The following PACSIN2 variants were observed in gnomAD, a reference collection of about 807,000 sequenced individuals.
The protein encoded by PACSIN2 is protein kinase C and casein kinase substrate in neurons 2, also known as protein kinase C and casein kinase substrate in neurons protein 2.
Under a neutral mutation model 63.8 loss-of-function variants are expected in PACSIN2, and 25 were observed. That is an observed-to-expected ratio of 0.39 (90% confidence interval 0.29 to 0.55). The LOEUF is 0.55. Ranked by LOEUF, PACSIN2 falls within the 20% of genes least tolerant of loss-of-function variation. PACSIN2 has a pLI of 0.62. For synonymous variants in PACSIN2, 255 were observed against 256.2 expected (o/e 1.00, Z 0.05); for missense variants, 518 against 646.9 (o/e 0.80, Z 2.16).
chr22:42,922,463 C>T (rs529787483), intron 1 of PACSIN2, among the ~76,000 whole-genome samples: 3 of 152,178 alleles, frequency 2.0e-5, no homozygotes, highest in South Asian at 2.1e-4. Flanking sequence ...CGGGAGAAAG[C>T]CCCCGATACC....
chr22:42,952,657 CTATT>C (rs1435170995), intron 1 of PACSIN2, among the ~76,000 whole-genome samples: 4 of 146,062 alleles, frequency 2.7e-5, no homozygotes, highest in African/African-American at 8.0e-5. Context: ...CACACCCGGC[CTATT>C]TATTTATTTT....
intron 6 of PACSIN2, among the ~76,000 whole-genome samples, chr22:42,883,162 T>C (rs1293929290): frequency 1.3e-5 from 2 of 150,422 alleles, no homozygotes; most frequent in Non-Finnish European, 3.0e-5. Context: ...ACGATGGGAG[T>C]CACTCCACAT....
intron 2 of PACSIN2, among the ~76,000 whole-genome samples, chr22:42,893,885 G>T (rs1472709795): frequency 6.6e-6 from 1 of 152,222 alleles, no homozygotes; most frequent in Non-Finnish European, 1.5e-5. Context: ...GGTCAGGAAG[G>T]GAGGCTGACT....
At chr22:43,004,813 C>T (rs1027181500) in intron 1 of PACSIN2, among the ~76,000 whole-genome samples, 1 of 152,214 alleles carries the variant, frequency 6.6e-6, no homozygotes, top group Non-Finnish European at 1.5e-5. Flanking sequence ...CCTCCCTGGG[C>T]GCTCTGGGCT....
chr22:42,960,925 C>T (rs1250106625), intron 1 of PACSIN2, among the ~76,000 whole-genome samples: 1 of 152,190 alleles, frequency 6.6e-6, no homozygotes, highest in African/African-American at 2.4e-5. Flanking sequence ...TGGAAACCAA[C>T]CTGCAAAAAC....
chr22:42,973,780 C>T (rs1305978804), intron 1 of PACSIN2, among the ~76,000 whole-genome samples: 2 of 152,250 alleles, frequency 1.3e-5, no homozygotes, highest in East Asian at 3.8e-4. Context: ...TCTCCATCAT[C>T]CCTCATTGCC....
At chr22:43,014,466 C>T (rs1389793123) in intron 1 of PACSIN2, among the ~76,000 whole-genome samples, 1 of 151,906 alleles carries the variant, frequency 6.6e-6, no homozygotes, top group East Asian at 1.9e-4. Context: ...CCTGCGTCGC[C>T]CCCCAGGCCA....
In PACSIN2 at chr22:42,992,674, C is replaced by T. The variant is rs745527776; in HGVS notation, c.-78+22347G>A. ...CTTATTTTTCTGTAACATCTTTTCA[C>T]GACATAGCATCTTCATTTGTGATTA... is the stretch of plus-strand genomic sequence containing the variant. On this transcript the variant is annotated intron_variant, in intron 1 of 10. Transcript: ENST00000263246. 1.4e-4 allele frequency among the ~76,000 whole-genome samples: 22 copies of T among 152,132 alleles called. 1 individual carries two copies. Among genetic ancestry groups the T allele is most frequent in the Admixed American group, 2.6e-4 (4 of 15,274 alleles).
intron 3 of PACSIN2, among the ~76,000 whole-genome samples, chr22:42,891,938 T>C (rs1408311112): frequency 6.6e-6 from 1 of 152,192 alleles, no homozygotes; most frequent in Non-Finnish European, 1.5e-5. Flanking sequence ...TCTGCAGGAC[T>C]GTGTTCATTC....
intron 2 of PACSIN2, among the ~76,000 whole-genome samples, chr22:42,895,735 C>G (rs1324763173): frequency 1.3e-5 from 2 of 152,222 alleles, no homozygotes; most frequent in Non-Finnish European, 2.9e-5. Flanking sequence ...TGCAGAGGAG[C>G]CTGTGCTGGT....
At chr22:42,963,707 T>C (rs550412479) in intron 1 of PACSIN2, among the ~76,000 whole-genome samples, 3 of 152,322 alleles carry the variant, frequency 2.0e-5, no homozygotes, top group African/African-American at 2.4e-5. Flanking sequence ...AAGGGCAGAA[T>C]GGGATTCAGT....
rs118186437 is a variant in PACSIN2, at chr22:42,901,760, G to C, written c.61-8147C>G. On this transcript the variant is annotated intron_variant, in intron 2 of 10. Transcript: ENST00000263246. The stretch of plus-strand genomic sequence containing the variant: ...GGTGGGGGGTGAGGTGAGCCTTCAG[G>C]ATTCCAGGGTGTCTGGTTGAAGACG... Among the ~76,000 whole-genome samples, 495 of 152,308 alleles carry C rather than the reference G, an allele frequency of 3.2e-3. 18 individuals are homozygous for C. In the East Asian group the frequency reaches 0.082, roughly 25 times the overall value.
At chr22:42,906,097 T>C (rs1271107561) in intron 2 of PACSIN2, among the ~76,000 whole-genome samples, 1 of 152,214 alleles carries the variant, frequency 6.6e-6, no homozygotes, top group Non-Finnish European at 1.5e-5. Context: ...CCAAGGGAAA[T>C]GGCAGTCACT....
intron 1 of PACSIN2, among the ~76,000 whole-genome samples, chr22:42,982,090 T>C (rs1372613528): frequency 1.2e-5 from 1 of 82,702 alleles, no homozygotes; most frequent in Non-Finnish European, 2.4e-5. Context: ...TGAGGACCCC[T>C]CTGCCCGGCC....
chr22:42,966,640 G>A (rs1920960444), intron 1 of PACSIN2, among the ~76,000 whole-genome samples: 1 of 152,202 alleles, frequency 6.6e-6, no homozygotes. Flanking sequence ...GCACCAATGT[G>A]ATAGAGGGAA....
intron 1 of PACSIN2, among the ~76,000 whole-genome samples, chr22:42,927,568 TTTATTTAG>T (rs1013565083): frequency 2.9e-4 from 43 of 150,308 alleles, no homozygotes; most frequent in East Asian, 2.2e-3. Flanking sequence ...TATTTATTTA[TTTATTTAG>T]TTATTTAGTT....
chr22:42,879,227 G>A (rs533993830), intron 7 of PACSIN2, 58 bp from the exon 8 acceptor site: 11 of 1,580,586 alleles, frequency 7.0e-6, no homozygotes, highest in Admixed American at 5.1e-5. Context: ...TGGAAGCCAC[G>A]TCTGTCCTCA....
At chr22:42,882,429 C>A (rs1417251289) in intron 6 of PACSIN2, 125 bp from the exon 7 acceptor site, 2 of 1,022,234 alleles carry the variant, frequency 2.0e-6, no homozygotes, top group Non-Finnish European at 1.4e-6. Flanking sequence ...ACAGACAGAG[C>A]CAGAACACTC....
intron 3 of PACSIN2, among the ~76,000 whole-genome samples, chr22:42,892,672 G>A (rs1929996957): frequency 6.6e-6 from 1 of 152,188 alleles, no homozygotes; most frequent in East Asian, 1.9e-4. Flanking sequence ...ACTGTGCTAA[G>A]CCCACACAAA....
Sources: gnomAD v4.1 joint callset for allele counts (sites outside exome capture counted in the v4.1 genomes callset) on GRCh38, gnomAD v4.1.1 for gene constraint, MANE v1.5 for transcripts, NCBI Gene and HGNC (gene_info 2026-07-23, HGNC 2026-07-21) for gene names.